Variants in ADCYAP1R1 observed in about 807,000 individuals in gnomAD.
ADCYAP1R1 encodes pituitary adenylate cyclase-activating polypeptide type I receptor.
A neutral mutation model predicts 67.6 loss-of-function variants in ADCYAP1R1; 44 were observed. The ratio of observed to expected loss-of-function variants is 0.65; its 90% confidence interval spans 0.51 to 0.84. The LOEUF (loss-of-function observed/expected upper bound fraction) is 0.84. ADCYAP1R1 is among the 40% of genes least tolerant of loss of function. The pLI is 0.00. For missense variants in ADCYAP1R1, 477 were observed against 587.9 expected (o/e 0.81, Z 1.95); for synonymous variants, 222 against 219.6 (o/e 1.01, Z -0.10).
intron 13 of ADCYAP1R1, chr7:31,095,530 G>C (rs1470881869): frequency 1.4e-6 from 1 of 692,276 alleles, no homozygotes; most frequent in African/African-American, 1.8e-5. Flanking sequence ...GGGGAGGTGA[G>C]AGGGCAGTGA....
intron 12 of ADCYAP1R1, 21 bp from the exon 13 acceptor site, chr7:31,092,621 CTT>C (rs112436908): frequency 8.0e-3 from 10,461 of 1,300,884 alleles, no homozygotes; most frequent in Admixed American, 1.0e-2. Flanking sequence ...TGTCCATCTG[CTT>C]TTTTTTTTTT....
intron 13 of ADCYAP1R1, among the ~76,000 whole-genome samples, chr7:31,093,604 C>T (rs368653251): frequency 6.6e-6 from 1 of 152,030 alleles, no homozygotes; most frequent in Admixed American, 6.5e-5. Context: ...CTGTGGTTGG[C>T]TGGAGGGGTG....
Position 31,078,112 on chromosome 7 carries a change from A to C in ADCYAP1R1, c.265+14A>C. 1 of 1,598,662 alleles carries C rather than the reference A, an allele frequency of 6.3e-7. No homozygotes were observed. Among genetic ancestry groups the C allele is most frequent in the Non-Finnish European group, 8.5e-7 (1 of 1,172,018 alleles). Reference sequence around the variant, plus strand: ...ACCCAGACCAAGGTGGGTTTAGCCCAGTCTCTTTAGGCCACGCTGGCCTAG... The same window carrying C: ...ACCCAGACCAAGGTGGGTTTAGCCCCGTCTCTTTAGGCCACGCTGGCCTAG... On this transcript the variant is annotated intron_variant, in intron 4 of 15. Coordinates refer to ENST00000304166, the MANE Select transcript of ADCYAP1R1 (RefSeq NM_001118.5).
rs79213646 is a variant in ADCYAP1R1 at position 31,102,273 on chromosome 7, C to A, written c.1047-964C>A. On this transcript the variant is annotated intron_variant, in intron 13 of 15. Transcript: ENST00000304166. This position sits in a 1 kb window ranked among gnomAD's most constrained non-coding sequence, Gnocchi z 4.3. ...TCTGGAGGAGATGGGCCAGGTGCAG[C>A]CTGGGGGCAGGCCACATCTGCGGGG... Among the ~76,000 whole-genome samples the A allele has an allele frequency of 2.0e-3, 298 of 152,352 alleles. 10 individuals are homozygous for A. The East Asian group carries it at 0.048, about 24-fold the overall frequency.
chr7:31,079,100 G>A (rs1384040194), intron 4 of ADCYAP1R1, among the ~76,000 whole-genome samples: 4 of 152,230 alleles, frequency 2.6e-5, no homozygotes, highest in Non-Finnish European at 5.9e-5. Context: ...CCCACAGGCA[G>A]AAGCCCTGGT....
At chr7:31,103,216 T>A (rs187067150) in intron 13 of ADCYAP1R1, 21 bp from the exon 14 acceptor site, 14 of 1,613,028 alleles carry the variant, frequency 8.7e-6, no homozygotes, top group Non-Finnish European at 1.2e-5. Flanking sequence ...CCAGAGCAGA[T>A]GTTTTGCTTT....
intron 3 of ADCYAP1R1, among the ~76,000 whole-genome samples, chr7:31,073,380 G>C (rs1427980663): frequency 6.6e-6 from 1 of 152,104 alleles, no homozygotes; most frequent in Non-Finnish European, 1.5e-5. Flanking sequence ...AAAAGGAGGA[G>C]GGGGAGAAGA....
intron 2 of ADCYAP1R1, among the ~76,000 whole-genome samples, chr7:31,063,604 T>C (rs1400392823): frequency 6.6e-6 from 1 of 152,194 alleles, no homozygotes; most frequent in East Asian, 1.9e-4. Context: ...GGAGCCCTGG[T>C]CAGGGCTGCA....
intron 13 of ADCYAP1R1, chr7:31,095,816 G>T: frequency 1.4e-6 from 1 of 702,918 alleles, no homozygotes. Flanking sequence ...GGTATTCCTG[G>T]CCCAGCCTCA....
chr7:31,061,270 CT>C (rs1411331522), intron 1 of ADCYAP1R1, among the ~76,000 whole-genome samples: 2 of 152,234 alleles, frequency 1.3e-5, no homozygotes, highest in Non-Finnish European at 2.9e-5. Flanking sequence ...GCCTCTGTCA[CT>C]GGTGCCAGAC....
chr7:31,055,202 A>G (rs1190197250), intron 1 of ADCYAP1R1, among the ~76,000 whole-genome samples: 1 of 152,130 alleles, frequency 6.6e-6, no homozygotes, highest in Non-Finnish European at 1.5e-5. Flanking sequence ...AGAAAGACAA[A>G]TGGACGTTGA....
chr7:31,061,109 C>T (rs190513523), intron 1 of ADCYAP1R1, among the ~76,000 whole-genome samples: 1 of 152,244 alleles, frequency 6.6e-6, no homozygotes, highest in African/African-American at 2.4e-5. Context: ...GCTGCTGCCA[C>T]CTCAACGTGT....
intron 3 of ADCYAP1R1, among the ~76,000 whole-genome samples, chr7:31,076,455 A>G (rs1372468968): frequency 1.3e-5 from 2 of 152,188 alleles, no homozygotes; most frequent in Non-Finnish European, 2.9e-5. Context: ...TGGGCCCCCT[A>G]GACCTGAAAA....
chr7:31,059,505 T>C (rs1456657085), intron 1 of ADCYAP1R1, among the ~76,000 whole-genome samples: 1 of 152,172 alleles, frequency 6.6e-6, no homozygotes. Context: ...TGAGCCACTT[T>C]TGTGGCTGGG....
At chr7:31,101,360 T>A (rs1461857759) in intron 13 of ADCYAP1R1, among the ~76,000 whole-genome samples, 10 of 152,132 alleles carry the variant, frequency 6.6e-5, no homozygotes, top group Non-Finnish European at 1.5e-5. Context: ...TCCAGGGCCC[T>A]TTTTAGACTA....
chr7:31,063,307 C>T lies in ADCYAP1R1; in HGVS notation c.43C>T (p.Leu15=). 6.2e-7 allele frequency: 1 copy of T among 1,614,182 alleles called. No individual in the cohort carries two copies. Among genetic ancestry groups the T allele is most frequent in the South Asian group, 1.1e-5 (1 of 91,078 alleles). ...VHVSLAALLL[L]PMAPAMHSDC... ...CGTTTCCCTGGCTGCTCTCCTCCTG[C>T]TGCCTATGGTAAGGGCCCAGGAACA... The change falls in exon 2 of 16, where the codon CTG becomes TTG. Residue 15 remains leucine (L), a synonymous_variant. Coordinates refer to ENST00000304166, the MANE Select transcript of ADCYAP1R1 (RefSeq NM_001118.5).
intron 3 of ADCYAP1R1, among the ~76,000 whole-genome samples, chr7:31,070,508 A>G (rs76061374): frequency 0.064 from 9,743 of 152,226 alleles, 362 homozygotes; most frequent in Middle Eastern, 0.13. Flanking sequence ...CGTTCAATAG[A>G]GGGGAGAGGC....
Position 31,075,621 on chromosome 7 carries a change from T to A in ADCYAP1R1, c.158-2370T>A, listed in dbSNP as rs528321864. 1.2e-4 allele frequency among the ~76,000 whole-genome samples: 19 copies of A among 152,232 alleles called. No individual in the cohort carries two copies. In the South Asian group the frequency reaches 3.7e-3, roughly 30 times the overall value. On this transcript the variant is annotated intron_variant, in intron 3 of 15. Coordinates refer to ENST00000304166, the MANE Select transcript of ADCYAP1R1 (RefSeq NM_001118.5). ...AAGTGAGCTGTCTCGTCCCATGGCC[T>A]CAATCACTACCCACAGGCTGGAAGG... is the stretch of plus-strand genomic sequence containing the variant.
chr7:31,067,530 G>A (rs984911823), intron 3 of ADCYAP1R1, among the ~76,000 whole-genome samples: 1 of 151,728 alleles, frequency 6.6e-6, no homozygotes, highest in Admixed American at 6.6e-5. Context: ...GGGTGGGGGT[G>A]GGTCTATTAT....
Sources: allele counts gnomAD v4.1 joint callset (sites outside exome capture counted in the v4.1 genomes callset), GRCh38; gene constraint gnomAD v4.1.1; non-coding constraint Gnocchi (gnomAD v3.1); transcripts MANE v1.5; gene names NCBI Gene and HGNC (gene_info 2026-07-23, HGNC 2026-07-21).